The following DOCK1 variants were observed in gnomAD, a reference collection of about 807,000 sequenced individuals.
The protein encoded by DOCK1 is dedicator of cytokinesis protein 1.
DOCK1 carries 138 observed loss-of-function variants against 262.7 expected under a neutral mutation model. That is an observed-to-expected ratio of 0.53 (90% CI 0.46 to 0.61). The LOEUF is 0.61. Among genes scored for constraint, DOCK1 ranks in the 20% least tolerant of loss-of-function variants. DOCK1 has a pLI of 0.00. For synonymous variants in DOCK1, 866 were observed against 867.4 expected, an observed-to-expected ratio of 1.00 and a Z score of 0.03; for missense variants, 1,908 against 2,370.7, an observed-to-expected ratio of 0.80 and a Z score of 4.05.
chr10:126,983,610 C>A (rs1054984365), intron 4 of DOCK1, among the ~76,000 whole-genome samples: 9 of 152,058 alleles, frequency 5.9e-5, no homozygotes, highest in Admixed American at 2.6e-4. Flanking sequence ...CTCTTGCAGG[C>A]TCTGTCTTTC....
At chr10:126,981,080 T>C (rs1044787658) in intron 3 of DOCK1, among the ~76,000 whole-genome samples, 10 of 151,932 alleles carry the variant, frequency 6.6e-5, no homozygotes, top group African/African-American at 2.4e-4. Flanking sequence ...CCTGAGTAGC[T>C]GGGACTACAG....
chr10:127,257,697 T>G, intron 29 of DOCK1: 1 of 322,030 alleles, frequency 3.1e-6, no homozygotes, highest in Non-Finnish European at 5.9e-6. Context: ...CTAGCTGTCA[T>G]CATGGGCACA....
chr10:127,136,876 C>T (rs1412898730), intron 27 of DOCK1: 1 of 152,556 alleles, frequency 6.6e-6, no homozygotes, highest in Non-Finnish European at 1.5e-5. Flanking sequence ...TAACGTCTGG[C>T]TGCACTTACC....
chr10:127,185,087 A>G (rs1557260), intron 27 of DOCK1, among the ~76,000 whole-genome samples: 50,366 of 152,022 alleles, frequency 0.33, 8,744 homozygotes, highest in African/African-American at 0.41. Context: ...TACCTGGGAG[A>G]TGTGCAAGAG....
intron 23 of DOCK1, among the ~76,000 whole-genome samples, chr10:127,076,738 A>T (rs566924786): frequency 6.6e-6 from 1 of 152,208 alleles, no homozygotes; most frequent in African/African-American, 2.4e-5. Flanking sequence ...CCAAGACTCC[A>T]TTCCAGGCCT....
At chr10:127,126,180 T>C (rs1225082038) in intron 26 of DOCK1, among the ~76,000 whole-genome samples, 1 of 151,858 alleles carries the variant, frequency 6.6e-6, no homozygotes. Context: ...TGGCAACCTC[T>C]GCCTCCCGGG....
At position 127,061,738 on chromosome 10, in the gene DOCK1, A is replaced by G. The variant is rs1317440231; in HGVS notation, c.2407A>G (p.Met803Val). The change falls in exon 23 of 52, where the codon ATG becomes GTG. Residue 803 changes from methionine (M) to valine (V), a missense_variant. Physicochemically the swap from Met to Val is conservative, Grantham distance 21 (BLOSUM62 1). Coordinates refer to ENST00000623213, the MANE Select transcript of DOCK1 (RefSeq NM_001290223.2). The part of the protein sequence containing the change: ...LLQLFRSIND[M>V]MSSMSDQTVR... Reference sequence around the variant, plus strand: ...GCAGCTCTTCAGGTCCATCAATGACATGATGAGCAGCATGTCAGACCAGAC... The same window carrying G: ...GCAGCTCTTCAGGTCCATCAATGACGTGATGAGCAGCATGTCAGACCAGAC... 1.1e-5 allele frequency: 17 copies of G among 1,595,978 alleles called. No individual in the cohort carries two copies. Among genetic ancestry groups the G allele is most frequent in the Non-Finnish European group, 1.5e-5 (17 of 1,171,180 alleles).
intron 21 of DOCK1, among the ~76,000 whole-genome samples, chr10:127,050,160 T>C (rs2044623490): frequency 6.6e-6 from 1 of 151,736 alleles, no homozygotes; most frequent in Admixed American, 6.6e-5. Flanking sequence ...TTGATTCATT[T>C]GTAATTGTTT....
chr10:127,425,888 C>A lies in DOCK1; in HGVS notation c.4791C>A (p.Ala1597=), dbSNP rs780219446. 7 of 1,613,922 alleles carry A rather than the reference C, an allele frequency of 4.3e-6. No individual in the cohort carries two copies. The East Asian group carries it at 1.6e-4, about 36-fold the overall frequency. The change falls in exon 47 of 52, where the codon GCC becomes GCA. Residue 1597 remains alanine (A), a synonymous_variant. Coordinates refer to ENST00000623213, the MANE Select transcript of DOCK1 (RefSeq NM_001290223.2). ...DLIAWQIPFL[A]EGIRIHGDKV... is the part of the protein sequence containing the mutation. Reference sequence around the variant, plus strand: ...CTGTTTTCCAGATTCCTTTTCTGGCCGAAGGGATCAGAATCCATGGAGACA... The same window carrying A: ...CTGTTTTCCAGATTCCTTTTCTGGCAGAAGGGATCAGAATCCATGGAGACA...
At chr10:127,333,508 A>G (rs547615560) in intron 29 of DOCK1, among the ~76,000 whole-genome samples, 39 of 152,354 alleles carry the variant, frequency 2.6e-4, no homozygotes, top group African/African-American at 8.9e-4. Flanking sequence ...CCTCAGCTCA[A>G]TTAACATATA....
chr10:127,000,231 C>T lies in DOCK1; in HGVS notation c.909C>T (p.Arg303=), dbSNP rs61753108. The change falls in exon 10 of 52, where the codon CGC becomes CGT. Residue 303 remains arginine (R), a synonymous_variant. Coordinates refer to ENST00000623213, the MANE Select transcript of DOCK1 (RefSeq NM_001290223.2). ...TCAGTTTTGTCTGTCAGATTGTTCG[C>T]GTGGGTCGCATGGAGCTGAGGGACA... ...EKISFVCQIV[R]VGRMELRDNN... is the part of the protein sequence containing the mutation. 19,287 of 1,613,892 alleles carry T rather than the reference C, an allele frequency of 0.012. 149 individuals are homozygous for T. Among genetic ancestry groups the T allele is most frequent in the Non-Finnish European group, 0.015 (17,276 of 1,179,826 alleles).
intron 43 of DOCK1, among the ~76,000 whole-genome samples, chr10:127,413,842 T>A (rs1282428538): frequency 6.6e-6 from 1 of 152,216 alleles, no homozygotes; most frequent in Non-Finnish European, 1.5e-5. Flanking sequence ...TTCAGCCAGC[T>A]CCTTCCCTTT....
chr10:127,275,213 G>A (rs1167130832), intron 29 of DOCK1, among the ~76,000 whole-genome samples: 1 of 151,672 alleles, frequency 6.6e-6, no homozygotes, highest in Non-Finnish European at 1.5e-5. Flanking sequence ...TGGAAGATAA[G>A]TCAGCAAAGG....
At chr10:126,984,547 T>TC (rs2039220514) in intron 4 of DOCK1, among the ~76,000 whole-genome samples, 1 of 151,284 alleles carries the variant, frequency 6.6e-6, no homozygotes, top group African/African-American at 2.4e-5. Context: ...TTTTTTTTTT[T>TC]CAGTAGAGAT....
chr10:126,994,568 T>A (rs2040031241), intron 6 of DOCK1, among the ~76,000 whole-genome samples: 1 of 152,198 alleles, frequency 6.6e-6, no homozygotes, highest in African/African-American at 2.4e-5. Context: ...AAAGCACATC[T>A]TGCACCGCCC....
chr10:127,310,412 G>C (rs2062024019), intron 29 of DOCK1, among the ~76,000 whole-genome samples: 1 of 152,138 alleles, frequency 6.6e-6, no homozygotes, highest in Non-Finnish European at 1.5e-5. Context: ...GGAGAATCAC[G>C]GGAGGCCAAG....
intron 23 of DOCK1, among the ~76,000 whole-genome samples, chr10:127,069,889 C>T (rs572856472): frequency 3.9e-5 from 6 of 152,274 alleles, no homozygotes; most frequent in African/African-American, 1.4e-4. Context: ...AACTTGGTAG[C>T]TTAAAACAGT....
intron 27 of DOCK1, among the ~76,000 whole-genome samples, chr10:127,224,439 G>C (rs2134471663): frequency 6.6e-6 from 1 of 152,098 alleles, no homozygotes; most frequent in African/African-American, 2.4e-5. Context: ...GTACACACCT[G>C]TAATCCCAGC....
intron 5 of DOCK1, among the ~76,000 whole-genome samples, chr10:126,989,873 G>A (rs2039670556): frequency 6.6e-6 from 1 of 152,196 alleles, no homozygotes; most frequent in South Asian, 2.1e-4. Context: ...CTTGTAGATT[G>A]AGATTTGGCC....
Sources: allele counts gnomAD v4.1 joint callset (sites outside exome capture counted in the v4.1 genomes callset), GRCh38; gene constraint gnomAD v4.1.1; transcripts MANE v1.5; gene names NCBI Gene and HGNC (gene_info 2026-07-23, HGNC 2026-07-21).